Variants in SLC25A46 observed in about 807,000 individuals in gnomAD.
SLC25A46 encodes the protein mitochondrial outer membrane protein SLC25A46.
A neutral mutation model predicts 44.6 loss-of-function variants in SLC25A46; 39 were observed. The observed-to-expected ratio is 0.87, with a 90% CI of 0.68 to 1.14. The LOEUF (loss-of-function observed/expected upper bound fraction) is 1.14, where lower values mean the gene tolerates loss of function less well. SLC25A46 is among the 50% of genes most tolerant of loss of function. The pLI, the probability that SLC25A46 is intolerant of heterozygous loss-of-function variation, is 0.00. For synonymous variants in SLC25A46, 202 were observed against 185.8 expected, an observed-to-expected ratio of 1.09 and a Z score of -0.71; for missense variants, 547 against 522.7, an observed-to-expected ratio of 1.05 and a Z score of -0.45.
chr5:110,746,414 G>A, intron 4 of SLC25A46, 68 bp downstream of exon 4: 1 of 1,063,158 alleles, frequency 9.4e-7, no homozygotes, highest in Non-Finnish European at 1.4e-6. Flanking sequence ...AATCATTAAA[G>A]CAAGAATAAT....
chr5:110,759,658 A>G (rs900623689), intron 7 of SLC25A46, among the ~76,000 whole-genome samples: 2 of 152,144 alleles, frequency 1.3e-5, no homozygotes, highest in African/African-American at 4.8e-5. Context: ...CAGATTACAT[A>G]GGACATTGTA....
In SLC25A46 at chr5:110,761,066, C is replaced by T. The variant is rs1288216417; in HGVS notation, c.679-138C>T. On this transcript the variant is annotated intron_variant, in intron 7 of 7. Transcript: ENST00000355943. The surrounding 1 kb of genome is among the most constrained non-coding windows in gnomAD (Gnocchi z 5.3). ...GAAAAAAAATCTGATGCCTAGATAACAGTTAAAGTCTGCAAATCATGGATG... is the reference window on the plus strand; with the variant it reads ...GAAAAAAAATCTGATGCCTAGATAATAGTTAAAGTCTGCAAATCATGGATG... The T allele has an allele frequency of 1.2e-5, 8 of 673,486 alleles. No individual in the cohort carries two copies. Among genetic ancestry groups the T allele is most frequent in the African/African-American group, 1.8e-5 (1 of 54,548 alleles). The allele number at this position is 673,486 out of a possible 1,614,324, so 41.7% of individuals were successfully genotyped here.
At chr5:110,738,349 C>A, upstream of SLC25A46, 4 of 838,150 alleles carry the variant, frequency 4.8e-6, no homozygotes, top group Admixed American at 5.0e-5. Context: ...GATTTAGACA[C>A]ATCAGAAAAA....
chr5:110,744,492 G>C (rs1799767369), intron 3 of SLC25A46, among the ~76,000 whole-genome samples: 1 of 152,076 alleles, frequency 6.6e-6, no homozygotes, highest in Non-Finnish European at 1.5e-5. Flanking sequence ...TTGACCAATT[G>C]AGTTACATAG....
Position 110,764,707 on chromosome 5 carries a change from AGCT to A in SLC25A46, c.*2927_*2929del, listed in dbSNP as rs1800345729. 6.6e-6 allele frequency: 1 copy of A among 151,932 alleles called. No homozygotes were observed. The highest frequency in any genetic ancestry group is 1.5e-5 in the Non-Finnish European group (1 of 67,908). 9.4% of individuals were successfully genotyped at this position (151,932 alleles called of 1,614,324 possible). A position where few individuals can be genotyped will look rare whatever the true frequency, so the allele number is the denominator to read the frequency against. ...AAATGCTGCTTAAATTTGTTTTATC[AGCT>A]GAGGTTGTGGAGGATTTTTGTCCAC... On this transcript the variant is annotated 3_prime_UTR_variant, in exon 8 of 8. Coordinates refer to ENST00000355943, the MANE Select transcript of SLC25A46 (RefSeq NM_138773.4).
intron 5 of SLC25A46, among the ~76,000 whole-genome samples, chr5:110,749,558 C>T (rs1308370849): frequency 1.3e-5 from 2 of 151,674 alleles, no homozygotes; most frequent in Non-Finnish European, 2.9e-5. Context: ...TAGAGAGGGC[C>T]TCAGACAAAT....
chr5:110,760,828 T>A (rs1441670160), intron 7 of SLC25A46, among the ~76,000 whole-genome samples: 2 of 152,140 alleles, frequency 1.3e-5, no homozygotes, highest in Non-Finnish European at 2.9e-5. Flanking sequence ...TTGACAATGG[T>A]TACATAGCCA....
At position 110,763,009 on chromosome 5, in the gene SLC25A46, C is replaced by T. The variant is rs778735657; in HGVS notation, c.*1227C>T. The T allele has an allele frequency of 6.6e-6, 1 of 151,812 alleles. No individual in the cohort carries two copies. The allele number at this position is 151,812 out of a possible 1,614,324, so 9.4% of individuals were successfully genotyped here. A position where few individuals can be genotyped will look rare whatever the true frequency, so the allele number is the denominator to read the frequency against. ...ATTTTATGGGTGAGGGGAAAAAGTA[C>T]ATTTGTACATTTCAACATATAATAA... On this transcript the variant is annotated 3_prime_UTR_variant, in exon 8 of 8. Transcript: ENST00000355943.
At chr5:110,750,065 T>C (rs1214396345) in intron 5 of SLC25A46, among the ~76,000 whole-genome samples, 1 of 152,052 alleles carries the variant, frequency 6.6e-6, no homozygotes, top group African/African-American at 2.4e-5. Context: ...ATATGCCCAA[T>C]GTTGGGATTT....
In SLC25A46 at chr5:110,764,329, C is replaced by T. The variant is rs1025767712; in HGVS notation, c.*2547C>T. ...CTAAATACATATATGTAGACCTTCC[C>T]GAAATGCCATTCTCAATTTTATTTT... On this transcript the variant is annotated 3_prime_UTR_variant, in exon 8 of 8. Coordinates refer to ENST00000355943, the MANE Select transcript of SLC25A46 (RefSeq NM_138773.4). 2 of 151,670 alleles carry T rather than the reference C, an allele frequency of 1.3e-5. No homozygotes were observed. Among genetic ancestry groups the T allele is most frequent in the African/African-American group, 4.8e-5 (2 of 41,334 alleles). 9.4% of individuals were successfully genotyped at this position (151,670 alleles called of 1,614,324 possible). A position where few individuals can be genotyped will look rare whatever the true frequency, so the allele number is the denominator to read the frequency against.
chr5:110,746,300 C>A lies in SLC25A46; in HGVS notation c.416C>A (p.Thr139Asn), dbSNP rs202123515. ...TACCATGCTCAGCATTACCATCTCA[C>A]TCCATTTACAGTCATCAATATTATG... ...VNYHAQHYHL[T>N]PFTVINIMYS... Residue 139 changes from threonine to asparagine, a missense_variant, in exon 4 of 8, where the codon ACT becomes AAT. Transcript: ENST00000355943. The A allele has an allele frequency of 8.8e-4, 1,397 of 1,589,750 alleles. 8 individuals are homozygous for A. Among genetic ancestry groups the A allele is most frequent in the Middle Eastern group, 4.8e-3 (29 of 6,000 alleles).
chr5:110,749,628 A>T (rs1799911070), intron 5 of SLC25A46, among the ~76,000 whole-genome samples: 1 of 152,102 alleles, frequency 6.6e-6, no homozygotes, highest in South Asian at 2.1e-4. Flanking sequence ...GGAGAATTAG[A>T]AGTGTAGATA....
At chr5:110,749,125 G>C (rs1799893174) in intron 5 of SLC25A46, among the ~76,000 whole-genome samples, 1 of 152,094 alleles carries the variant, frequency 6.6e-6, no homozygotes, top group African/African-American at 2.4e-5. Context: ...TTGGTAATTG[G>C]AGATAGGAGA....
Position 110,764,135 on chromosome 5 carries a change from G to A in SLC25A46, c.*2353G>A, listed in dbSNP as rs568977193. On this transcript the variant is annotated 3_prime_UTR_variant, in exon 8 of 8. Transcript: ENST00000355943. ...CATTATGGAAAAGATTCTATTAAAT[G>A]TTCCACAGGCCCACTGGTCCTCTTA... 4 of 151,898 alleles carry A rather than the reference G, an allele frequency of 2.6e-5. No homozygotes were observed. Among genetic ancestry groups the A allele is most frequent in the Middle Eastern group, 3.4e-3 (1 of 294 alleles). 9.4% of individuals were successfully genotyped at this position (151,898 alleles called of 1,614,324 possible).
intron 5 of SLC25A46, among the ~76,000 whole-genome samples, chr5:110,750,645 G>T (rs1347847436): frequency 1.3e-5 from 2 of 152,040 alleles, no homozygotes; most frequent in Non-Finnish European, 2.9e-5. Context: ...ATTCTATATT[G>T]TTTAGGGAAT....
chr5:110,751,575 A>G (rs1170747401), intron 5 of SLC25A46, among the ~76,000 whole-genome samples: 5 of 152,200 alleles, frequency 3.3e-5, no homozygotes, highest in African/African-American at 9.6e-5. Flanking sequence ...GAAGAGGTTC[A>G]GTAAGGTCAG....
At chr5:110,743,862 C>T in intron 3 of SLC25A46, 75 bp downstream of exon 3, 1 of 1,143,890 alleles carries the variant, frequency 8.7e-7, no homozygotes, top group Non-Finnish European at 1.3e-6. Flanking sequence ...ACATAAATGA[C>T]ATGAAACCAG....
At chr5:110,748,109 T>C (rs914722271) in intron 4 of SLC25A46, 54 bp from the exon 5 acceptor site, 42 of 1,237,296 alleles carry the variant, frequency 3.4e-5, no homozygotes, top group Non-Finnish European at 4.6e-5. Flanking sequence ...TTAAGATCTT[T>C]TGTGTTTCAG....
At chr5:110,746,975 A>T (rs1362291212) in intron 4 of SLC25A46, among the ~76,000 whole-genome samples, 1 of 152,190 alleles carries the variant, frequency 6.6e-6, no homozygotes, top group Non-Finnish European at 1.5e-5. Flanking sequence ...AGCACCTTCT[A>T]AGAACTGCAC....
Sources: allele counts gnomAD v4.1 joint callset (sites outside exome capture counted in the v4.1 genomes callset), GRCh38; gene constraint gnomAD v4.1.1; non-coding constraint Gnocchi (gnomAD v3.1); transcripts MANE v1.5; gene names NCBI Gene and HGNC (gene_info 2026-07-23, HGNC 2026-07-21).